Variants in AIG1 observed in about 807,000 individuals in gnomAD.
AIG1 encodes androgen-induced gene 1 protein.
A neutral mutation model predicts 31.4 loss-of-function variants in AIG1; 23 were observed. That is an observed-to-expected ratio of 0.73 (90% CI 0.53 to 1.04). The LOEUF is 1.04. AIG1 is among the 50% of genes least tolerant of loss of function. The pLI is 0.00. For missense variants in AIG1, 274 were observed against 295.0 expected (o/e 0.93, Z 0.52); for synonymous variants, 100 against 110.5 (o/e 0.90, Z 0.60).
intron 3 of AIG1, among the ~76,000 whole-genome samples, chr6:143,232,699 C>T (rs907055878): frequency 6.6e-6 from 1 of 152,178 alleles, no homozygotes; most frequent in African/African-American, 2.4e-5. Context: ...GCTTCCCTTT[C>T]CCTTTATGGC....
At position 143,291,647 on chromosome 6, in the gene AIG1, A is replaced by C. The variant is rs893534789; in HGVS notation, c.515+7422A>C. ...GAAAGGAAAGAGGCATCTCAGAACC[A>C]GTCCACGTCCTCCTCTTCTACTTCA... is the stretch of plus-strand genomic sequence containing the variant. On this transcript the variant is annotated intron_variant, in intron 4 of 5. Coordinates refer to ENST00000357847, the MANE Select transcript of AIG1 (RefSeq NM_016108.4). This position sits in a 1 kb window ranked among gnomAD's most constrained non-coding sequence, Gnocchi z 4.2. Among the ~76,000 whole-genome samples the C allele has an allele frequency of 6.6e-6, 1 of 152,194 alleles. No homozygotes were observed. The highest frequency in any genetic ancestry group is 1.5e-5 in the Non-Finnish European group (1 of 68,038).
intron 4 of AIG1, among the ~76,000 whole-genome samples, chr6:143,306,821 G>A (rs1386251596): frequency 1.3e-5 from 2 of 152,130 alleles, no homozygotes; most frequent in African/African-American, 2.4e-5. Flanking sequence ...CATTCTCCCC[G>A]TCACTTTCAG....
intron 3 of AIG1, among the ~76,000 whole-genome samples, chr6:143,230,904 T>C (rs1218313616): frequency 6.6e-6 from 1 of 152,186 alleles, no homozygotes; most frequent in African/African-American, 2.4e-5. Flanking sequence ...TCAGAACCAT[T>C]TGTTGCTCCT....
intron 3 of AIG1, among the ~76,000 whole-genome samples, chr6:143,260,513 G>C (rs1795698015): frequency 6.6e-6 from 1 of 152,152 alleles, no homozygotes; most frequent in Non-Finnish European, 1.5e-5. Flanking sequence ...GGTCCACTTA[G>C]TTCCAAGATA....
At chr6:143,060,652 A>G (rs894724810), upstream of AIG1, 14 of 457,010 alleles carry the variant, frequency 3.1e-5, no homozygotes, top group Non-Finnish European at 5.0e-5. Context: ...AGAATGACGA[A>G]GGTGACGAAA....
At chr6:143,210,050 T>C (rs574903547) in intron 3 of AIG1, among the ~76,000 whole-genome samples, 87 of 152,288 alleles carry the variant, frequency 5.7e-4, no homozygotes, top group African/African-American at 2.0e-3. Flanking sequence ...GGGAGGGACC[T>C]GGTGGGAGGT....
At position 143,171,007 on chromosome 6, in the gene AIG1, A is replaced by ATTT. The variant is rs796691700; in HGVS notation, c.399+5825_399+5826insTTT. 3.3e-5 allele frequency among the ~76,000 whole-genome samples: 5 copies of ATTT among 152,232 alleles called. No individual in the cohort carries two copies. The South Asian group carries it at 8.3e-4, about 25-fold the overall frequency. Reference sequence around the variant, plus strand: ...TTCCCATTATAGAAATTTCAGATGAATAAGAGATGGGAAAAGGCATAGGAA... The same window carrying ATTT: ...TTCCCATTATAGAAATTTCAGATGAATTTTAAGAGATGGGAAAAGGCATAGGAA... On this transcript the variant is annotated intron_variant, in intron 3 of 5. Transcript: ENST00000357847.
At chr6:143,214,974 A>G (rs2128618871) in intron 3 of AIG1, among the ~76,000 whole-genome samples, 1 of 151,626 alleles carries the variant, frequency 6.6e-6, no homozygotes, top group East Asian at 1.9e-4. Context: ...GAAATTTCCC[A>G]CCCTCAATGG....
At chr6:143,130,755 T>C (rs894460212) in intron 1 of AIG1, among the ~76,000 whole-genome samples, 2 of 152,152 alleles carry the variant, frequency 1.3e-5, no homozygotes, top group African/African-American at 2.4e-5. Flanking sequence ...CAGGGGTACA[T>C]GTGCAAATTT....
chr6:143,294,266 C>G (rs992891511), intron 4 of AIG1, among the ~76,000 whole-genome samples: 3 of 152,200 alleles, frequency 2.0e-5, no homozygotes, highest in African/African-American at 7.2e-5. Context: ...CAACATTGCT[C>G]TTCTTGGACC....
At chr6:143,089,762 A>G (rs1022688373) in intron 1 of AIG1, among the ~76,000 whole-genome samples, 2 of 152,120 alleles carry the variant, frequency 1.3e-5, no homozygotes, top group African/African-American at 4.8e-5. Flanking sequence ...CTTTTTAGCA[A>G]CCAGCTCTTG....
chr6:143,183,648 A>G (rs1299646973), intron 3 of AIG1, among the ~76,000 whole-genome samples: 1 of 152,198 alleles, frequency 6.6e-6, no homozygotes, highest in African/African-American at 2.4e-5. Flanking sequence ...GCCCAGCAAT[A>G]GTATTAGTTC....
chr6:143,176,749 G>T (rs891148660), intron 3 of AIG1, among the ~76,000 whole-genome samples: 8 of 152,260 alleles, frequency 5.3e-5, no homozygotes, highest in African/African-American at 1.9e-4. Context: ...CCAGGCAGCT[G>T]GTGAGCAGTG....
At chr6:143,234,892 G>A (rs1016735791) in intron 3 of AIG1, among the ~76,000 whole-genome samples, 1 of 152,170 alleles carries the variant, frequency 6.6e-6, no homozygotes, top group Non-Finnish European at 1.5e-5. Context: ...CGCTACTTGG[G>A]AGATGAGGAT....
rs1171932253 is a variant in AIG1, at chr6:143,338,283, C to A, written c.680-1356C>A. The stretch of plus-strand genomic sequence containing the variant: ...AACGAAGGCGTGTTGTACCTTCTTG[C>A]CTTCAAACCTGTTCCTCCTCCCGTC... On this transcript the variant is annotated intron_variant, in intron 5 of 5. Transcript: ENST00000357847. This position sits in a 1 kb window ranked among gnomAD's most constrained non-coding sequence, Gnocchi z 4.3. The A allele has an allele frequency of 2.9e-6, 1 of 347,850 alleles. No homozygotes were observed. Among genetic ancestry groups the A allele is most frequent in the Admixed American group, 4.7e-5 (1 of 21,090 alleles). The allele number at this position is 347,850 out of a possible 1,614,324, so 21.5% of individuals were successfully genotyped here. A position where few individuals can be genotyped will look rare whatever the true frequency, so the allele number is the denominator to read the frequency against.
chr6:143,302,713 G>A (rs1798919735), intron 4 of AIG1, among the ~76,000 whole-genome samples: 1 of 152,226 alleles, frequency 6.6e-6, no homozygotes, highest in African/African-American at 2.4e-5. Flanking sequence ...ATAGCAGCAT[G>A]ATTTGTAGTC....
intron 3 of AIG1, among the ~76,000 whole-genome samples, chr6:143,219,006 G>A (rs762959395): frequency 5.3e-5 from 8 of 152,116 alleles, no homozygotes; most frequent in Non-Finnish European, 1.0e-4. Flanking sequence ...AAAATATACT[G>A]AAAACTGGTC....
chr6:143,312,997 A>G lies in AIG1; in HGVS notation c.516-20285A>G, dbSNP rs1775428383. 2.0e-5 allele frequency among the ~76,000 whole-genome samples: 3 copies of G among 152,160 alleles called. No individual in the cohort carries two copies. In the South Asian group the frequency reaches 6.2e-4, roughly 32 times the overall value. ...CATTAGAGAAGTGCAAATCAAAACTACAGTGAGATACCATCTCACCCCAGT... is the reference window on the plus strand; with the variant it reads ...CATTAGAGAAGTGCAAATCAAAACTGCAGTGAGATACCATCTCACCCCAGT... On this transcript the variant is annotated intron_variant, in intron 4 of 5. Coordinates refer to ENST00000357847, the MANE Select transcript of AIG1 (RefSeq NM_016108.4).
At chr6:143,177,746 G>A (rs1372943040) in intron 3 of AIG1, among the ~76,000 whole-genome samples, 1 of 152,188 alleles carries the variant, frequency 6.6e-6, no homozygotes, top group African/African-American at 2.4e-5. Flanking sequence ...GACAACAGTG[G>A]GCCTGGGTGG....
Sources: gnomAD v4.1 joint callset for allele counts (sites outside exome capture counted in the v4.1 genomes callset) on GRCh38, gnomAD v4.1.1 for gene constraint, Gnocchi (gnomAD v3.1) non-coding constraint, MANE v1.5 for transcripts, NCBI Gene and HGNC (gene_info 2026-07-23, HGNC 2026-07-21) for gene names.